The following ATM variants were observed in gnomAD, a reference collection of about 807,000 sequenced individuals.
ATM encodes the protein ATM serine/threonine kinase.
ATM carries 308 observed loss-of-function variants against 387.0 expected under a neutral mutation model. The ratio of observed to expected loss-of-function variants is 0.80; its 90% CI spans 0.73 to 0.87. The LOEUF is 0.87. Among genes scored for constraint, ATM ranks in the 40% least tolerant of loss-of-function variants. ATM has a pLI of 0.00. For missense variants in ATM, 3,312 were observed against 3,560.9 expected, an observed-to-expected ratio of 0.93 and a Z score of 1.78; for synonymous variants, 1,156 against 1,187.3, an observed-to-expected ratio of 0.97 and a Z score of 0.54.
At chr11:108,250,308 A>G (rs1240900226) in intron 9 of ATM, among the ~76,000 whole-genome samples, 2 of 152,052 alleles carry the variant, frequency 1.3e-5, no homozygotes, top group Non-Finnish European at 2.9e-5. Flanking sequence ...ATGTGCCACC[A>G]TGCCCGGCTA....
intron 5 of ATM, among the ~76,000 whole-genome samples, chr11:108,241,939 T>A (rs2079584139): frequency 6.6e-6 from 1 of 151,658 alleles, no homozygotes; most frequent in Non-Finnish European, 1.5e-5. Context: ...AGATAAGGTC[T>A]TATTATGTTG....
At chr11:108,269,683 T>G (rs1171838124) in intron 18 of ATM, among the ~76,000 whole-genome samples, 1 of 152,180 alleles carries the variant, frequency 6.6e-6, no homozygotes, top group Non-Finnish European at 1.5e-5. Flanking sequence ...GGGTCCTAGG[T>G]CATGTCCCCA....
intron 17 of ATM, 79 bp from the exon 18 acceptor site, chr11:108,268,331 G>C: frequency 7.6e-7 from 1 of 1,322,570 alleles, no homozygotes; most frequent in Non-Finnish European, 1.1e-6. Flanking sequence ...TTTGTGAAGA[G>C]GAGGAAATTT....
At position 108,343,343 on chromosome 11, in the gene ATM, G is replaced by C. The variant is rs1203037698; in HGVS notation, c.8390G>C (p.Ser2797Thr). 6.2e-7 allele frequency: 1 copy of C among 1,613,908 alleles called. No individual in the cohort carries two copies. The highest frequency in any genetic ancestry group is 1.1e-5 in the South Asian group (1 of 91,076). Residue 2797 changes from serine to threonine, a missense_variant, in exon 57 of 63, where the codon AGT (serine) becomes ACT (threonine). Physicochemically the swap from Ser to Thr is moderately conservative, Grantham distance 58 (BLOSUM62 1). Transcript: ENST00000675843. The stretch of plus-strand genomic sequence containing the variant: ...AAAAGATACAGGCCAAATGATTTCA[G>C]TGCCTTTCAGTGCCAAAAGAAAATG... ...AHKRYRPNDF[S>T]AFQCQKKMME... is the part of the protein sequence containing the mutation.
chr11:108,223,373 C>A (rs1039589030), intron 1 of ATM, 187 bp downstream of exon 1: 6 of 152,628 alleles, frequency 3.9e-5, no homozygotes, highest in Admixed American at 2.0e-4. Context: ...CAATAACCTC[C>A]TCCTTTTAAA....
At chr11:108,363,005 C>T (rs1003395595) in intron 61 of ATM, among the ~76,000 whole-genome samples, 1 of 152,164 alleles carries the variant, frequency 6.6e-6, no homozygotes, top group East Asian at 1.9e-4. Flanking sequence ...AAAACACACC[C>T]TCCAATGCTT....
chr11:108,267,376 A>C (rs2135510389), intron 17 of ATM, 34 bp downstream of exon 17: 1 of 1,600,656 alleles, frequency 6.2e-7, no homozygotes, highest in Non-Finnish European at 8.6e-7. Context: ...GATTTCTTTT[A>C]CTTCTTTATA....
chr11:108,345,632 C>A, intron 57 of ATM, 111 bp from the exon 58 acceptor site: 1 of 852,922 alleles, frequency 1.2e-6, no homozygotes. Context: ...GGTAATGTAT[C>A]CTGTTCATCT....
At chr11:108,320,206 C>A (rs1438111953) in intron 44 of ATM, 148 bp downstream of exon 44, 5 of 662,054 alleles carry the variant, frequency 7.6e-6, no homozygotes, top group South Asian at 5.8e-5. Flanking sequence ...CCTTGTAATT[C>A]TCTGCCCTCC....
chr11:108,294,221 A>C (rs970076150), intron 31 of ATM, among the ~76,000 whole-genome samples: 1 of 152,104 alleles, frequency 6.6e-6, no homozygotes, highest in African/African-American at 2.4e-5. Flanking sequence ...TTAAGTTTTA[A>C]TCTTTATAAA....
At chr11:108,256,177 A>G in intron 13 of ATM, 38 bp from the exon 14 acceptor site, 2 of 1,480,844 alleles carry the variant, frequency 1.4e-6, no homozygotes, top group Non-Finnish European at 1.8e-6. Flanking sequence ...TAAATTATTT[A>G]TGAAATATAT....
At chr11:108,266,643 AT>A (rs1218417644) in intron 16 of ATM, among the ~76,000 whole-genome samples, 3 of 151,580 alleles carry the variant, frequency 2.0e-5, no homozygotes, top group African/African-American at 4.9e-5. Flanking sequence ...AATAAAAAAA[AT>A]AATAATTTTT....
chr11:108,329,352 G>A, intron 49 of ATM, 114 bp downstream of exon 49: 1 of 1,003,516 alleles, frequency 1.0e-6, no homozygotes, highest in Non-Finnish European at 1.5e-6. Flanking sequence ...AGCTCTAAAG[G>A]TCGGCTTAAC....
At chr11:108,238,564 AT>A (rs2079412058) in intron 5 of ATM, among the ~76,000 whole-genome samples, 1 of 152,150 alleles carries the variant, frequency 6.6e-6, no homozygotes, top group Non-Finnish European at 1.5e-5. Context: ...TGATTTTCAA[AT>A]TGTTCAATGC....
chr11:108,236,853 T>G (rs2079304734), intron 5 of ATM, among the ~76,000 whole-genome samples: 1 of 152,148 alleles, frequency 6.6e-6, no homozygotes, highest in African/African-American at 2.4e-5. Context: ...TTCAGTTTGT[T>G]GGTTTCAAAG....
intron 61 of ATM, among the ~76,000 whole-genome samples, chr11:108,361,643 G>A (rs1383369084): frequency 1.3e-4 from 19 of 151,506 alleles, no homozygotes; most frequent in South Asian, 4.2e-4. Context: ...AAATAACGCC[G>A]CATGTCTACA....
chr11:108,229,203 GAAAC>G lies in ATM; in HGVS notation c.213_216del (p.Thr72AsnfsTer3). The stretch of plus-strand genomic sequence containing the variant: ...ATTTTTACAGAAATATATTCAGAAA[GAAAC>G]AGAATGTCTGAGAATAGCAAAACCA... On this transcript the variant is annotated frameshift_variant, in exon 4 of 63. Transcript: ENST00000675843. LOFTEE classifies it high-confidence loss of function. 1 of 1,612,918 alleles carries G rather than the reference GAAAC, an allele frequency of 6.2e-7. No individual in the cohort carries two copies. Among genetic ancestry groups the G allele is most frequent in the Non-Finnish European group, 8.5e-7 (1 of 1,179,434 alleles).
intron 7 of ATM, among the ~76,000 whole-genome samples, chr11:108,245,885 C>T (rs1297077562): frequency 6.9e-6 from 1 of 145,450 alleles, no homozygotes; most frequent in Non-Finnish European, 1.5e-5. Context: ...AGTGCAGTGA[C>T]GCAATGTTAG....
At chr11:108,267,039 A>T in intron 16 of ATM, 132 bp from the exon 17 acceptor site, 1 of 860,722 alleles carries the variant, frequency 1.2e-6, no homozygotes, top group Non-Finnish European at 1.9e-6. Flanking sequence ...CAGGTGATCC[A>T]CCTGGCTCTG....
Sources: allele counts gnomAD v4.1 joint callset (sites outside exome capture counted in the v4.1 genomes callset), GRCh38; gene constraint gnomAD v4.1.1; transcripts MANE v1.5; gene names NCBI Gene and HGNC (gene_info 2026-07-23, HGNC 2026-07-21).